NPHP4: variants seen among roughly 807,000 people sequenced by gnomAD.
NPHP4 encodes nephrocystin 4.
NPHP4 carries 151 observed loss-of-function variants against 155.8 expected under a neutral mutation model. The observed-to-expected ratio is 0.97, with a 90% CI of 0.85 to 1.11. The LOEUF (loss-of-function observed/expected upper bound fraction) is 1.11, where lower values mean the gene tolerates loss of function less well. Ranked by LOEUF, NPHP4 falls within the 50% of genes least tolerant of loss-of-function variation. NPHP4 has a pLI of 0.00. For synonymous variants in NPHP4, 845 were observed against 816.8 expected, an observed-to-expected ratio of 1.03 and a Z score of -0.59; for missense variants, 1,956 against 1,925.7, an observed-to-expected ratio of 1.02 and a Z score of -0.29.
chr1:5,887,606 A>G, intron 17 of NPHP4, 140 bp from the exon 18 acceptor site: 3 of 827,242 alleles, frequency 3.6e-6, no homozygotes, highest in South Asian at 1.8e-5. Flanking sequence ...AAGACCCTGC[A>G]CCACGCTGGG....
intron 5 of NPHP4, among the ~76,000 whole-genome samples, chr1:5,962,694 G>A (rs377338613): frequency 7.2e-5 from 11 of 152,386 alleles, no homozygotes; most frequent in Admixed American, 5.2e-4. Flanking sequence ...CCACGGGACA[G>A]ATGTGGGTAA....
chr1:5,905,620 C>T lies in NPHP4; in HGVS notation c.1763+12G>A, dbSNP rs1383436929. 3.7e-6 allele frequency: 6 copies of T among 1,613,318 alleles called. No homozygotes were observed. The highest frequency in any genetic ancestry group is 5.1e-6 in the Non-Finnish European group (6 of 1,179,630). ...CGTGACTGGTTCCATCCCACCCAGA[C>T]CCACACCTCACCTCCTGGTCTGGGT... On this transcript the variant is annotated intron_variant, in intron 14 of 29. Transcript: ENST00000378156. This position sits in a 1 kb window ranked among gnomAD's most constrained non-coding sequence, Gnocchi z 4.0.
rs951452027 is a variant in NPHP4, at chr1:5,947,368, T to C, written c.993-138A>G. 5 of 805,868 alleles carry C rather than the reference T, an allele frequency of 6.2e-6. No individual in the cohort carries two copies. In the African/African-American group the frequency reaches 6.9e-5, roughly 11 times the overall value. The allele number at this position is 805,868 out of a possible 1,614,324, so 49.9% of individuals were successfully genotyped here. ...TGCTGCTGCAACAGCAAGTCCACCA[T>C]GTAACACTGCACGCTCTCCCAAATG... On this transcript the variant is annotated intron_variant, in intron 8 of 29. Coordinates refer to ENST00000378156, the MANE Select transcript of NPHP4 (RefSeq NM_015102.5).
chr1:5,864,191 G>A, intron 28 of NPHP4, 147 bp downstream of exon 28: 1 of 1,131,534 alleles, frequency 8.8e-7, no homozygotes, highest in Non-Finnish European at 1.3e-6. Context: ...GAGAGACACA[G>A]CACAGGAGCA....
intron 8 of NPHP4, 65 bp from the exon 9 acceptor site, chr1:5,947,295 T>C (rs373522825): frequency 1.3e-5 from 21 of 1,576,112 alleles, no homozygotes; most frequent in East Asian, 4.5e-5. Context: ...CGCATCCACG[T>C]CGACCACTGT....
chr1:5,934,524 C>G (rs1646437312), intron 9 of NPHP4, among the ~76,000 whole-genome samples: 1 of 152,132 alleles, frequency 6.6e-6, no homozygotes, highest in Non-Finnish European at 1.5e-5. Flanking sequence ...TACAGTGCTC[C>G]ACTTGCTACG....
chr1:5,965,367 A>C lies in NPHP4; in HGVS notation c.517+1932T>G, dbSNP rs570358071. Among the ~76,000 whole-genome samples, 8 of 152,302 alleles carry C rather than the reference A, an allele frequency of 5.3e-5. No homozygotes were observed. In the East Asian group the frequency reaches 1.4e-3, roughly 26 times the overall value. ...CTCACAGCCTCCACTCAGGGCCAAC[A>C]GCTTCCACACAGACGCATGGACATG... is the stretch of plus-strand genomic sequence containing the variant. On this transcript the variant is annotated intron_variant, in intron 5 of 29. Transcript: ENST00000378156.
At chr1:5,978,099 T>G (rs1557879409) in intron 3 of NPHP4, among the ~76,000 whole-genome samples, 171 bp downstream of exon 3, 4 of 151,720 alleles carry the variant, frequency 2.6e-5, no homozygotes, top group Non-Finnish European at 5.9e-5. Context: ...AAGATTTTGT[T>G]TGGTAACAAA....
chr1:5,865,538 G>C, intron 26 of NPHP4: 1 of 414,690 alleles, frequency 2.4e-6, no homozygotes, highest in Non-Finnish European at 4.3e-6. Flanking sequence ...GCGCAGCAGG[G>C]CTGCTTAGGA....
intron 23 of NPHP4, chr1:5,868,261 C>T: frequency 2.7e-6 from 1 of 369,218 alleles, no homozygotes; most frequent in Non-Finnish European, 5.3e-6. Flanking sequence ...TGCATGTGCG[C>T]AAGTCAGGCC....
rs72856177 is a variant in NPHP4, at chr1:5,874,364, G to A, written c.3231+107C>T. The A allele has an allele frequency of 4.1e-3, 4,666 of 1,126,628 alleles. 145 individuals carry two copies. In the African/African-American group the frequency reaches 0.065, roughly 16 times the overall value. The allele number at this position is 1,126,628 out of a possible 1,614,324, so 69.8% of individuals were successfully genotyped here. The stretch of plus-strand genomic sequence containing the variant: ...GGAGTGGGCGGCAGCCCCAAGGCTA[G>A]TCTGTCTGCACAGGTAAGGGAGGGA... On this transcript the variant is annotated intron_variant, in intron 22 of 29. Coordinates refer to ENST00000378156, the MANE Select transcript of NPHP4 (RefSeq NM_015102.5).
chr1:5,871,040 T>C (rs1369231025), intron 23 of NPHP4, among the ~76,000 whole-genome samples: 1 of 152,234 alleles, frequency 6.6e-6, no homozygotes, highest in African/African-American at 2.4e-5. Context: ...GGCCTTATTT[T>C]CAAGATAACC....
Position 5,948,205 on chromosome 1 carries a change from C to A in NPHP4, c.857G>T (p.Arg286Leu), listed in dbSNP as rs536212285. The A allele has an allele frequency of 1.9e-6, 3 of 1,603,760 alleles. No homozygotes were observed. The highest frequency in any genetic ancestry group is 2.5e-6 in the Non-Finnish European group (3 of 1,176,662). ...DGGALEILER[R>L]LRVGVHNGLG... ...ACCATTGTGCACGCCCACACGCAGG[C>A]GCCGCTCCAGGATCTCCAGGGCACC... Residue 286 changes from arginine (R) to leucine (L), a missense_variant, in exon 8 of 30, where the codon CGC (arginine) becomes CTC (leucine). Coordinates refer to ENST00000378156, the MANE Select transcript of NPHP4 (RefSeq NM_015102.5).
intron 18 of NPHP4, chr1:5,880,555 G>A: frequency 2.9e-6 from 1 of 346,618 alleles, no homozygotes; most frequent in South Asian, 3.0e-5. Context: ...TGGGTCGCAA[G>A]GCGGGCTGCC....
Position 5,905,571 on chromosome 1 carries a change from G to A in NPHP4, c.1763+61C>T. The A allele has an allele frequency of 3.1e-6, 5 of 1,607,954 alleles. No homozygotes were observed. Among genetic ancestry groups the A allele is most frequent in the Non-Finnish European group, 4.3e-6 (5 of 1,175,542 alleles). On this transcript the variant is annotated intron_variant, in intron 14 of 29. Transcript: ENST00000378156. This position sits in a 1 kb window ranked among gnomAD's most constrained non-coding sequence, Gnocchi z 4.0. ...CTGTGGAAACCCTGGGGTTCACAAG[G>A]TCCAACAGTCTGACGGCACAGCACG...
At chr1:5,929,243 A>G (rs538467482) in intron 10 of NPHP4, among the ~76,000 whole-genome samples, 1 of 152,312 alleles carries the variant, frequency 6.6e-6, no homozygotes, top group East Asian at 1.9e-4. Flanking sequence ...GTTTTCTGCA[A>G]ATAAGGACAG....
intron 11 of NPHP4, among the ~76,000 whole-genome samples, chr1:5,918,770 G>T (rs1265375247): frequency 6.6e-6 from 1 of 152,184 alleles, no homozygotes; most frequent in Non-Finnish European, 1.5e-5. Flanking sequence ...TTTAGAGGAT[G>T]TGTATCCCAA....
intron 16 of NPHP4, among the ~76,000 whole-genome samples, chr1:5,891,359 G>C (rs1644117443): frequency 6.6e-6 from 1 of 152,198 alleles, no homozygotes; most frequent in African/African-American, 2.4e-5. Flanking sequence ...TGGGCGTGTA[G>C]AATTTAAGAA....
chr1:5,865,055 G>A, intron 27 of NPHP4, 47 bp downstream of exon 27: 1 of 1,587,854 alleles, frequency 6.3e-7, no homozygotes, highest in Non-Finnish European at 8.6e-7. Context: ...CCCGTCTCCA[G>A]GCTGGGGTTG....
Sources: allele counts gnomAD v4.1 joint callset (sites outside exome capture counted in the v4.1 genomes callset), GRCh38; gene constraint gnomAD v4.1.1; non-coding constraint Gnocchi (gnomAD v3.1); transcripts MANE v1.5; gene names NCBI Gene and HGNC (gene_info 2026-07-23, HGNC 2026-07-21).